The following PCNX3 variants were observed in gnomAD, a reference collection of about 807,000 sequenced individuals.
The protein encoded by PCNX3 is pecanex 3.
In PCNX3, 58 loss-of-function variants were observed where a neutral mutation model predicts 207.2. The observed-to-expected ratio is 0.28, with a 90% CI of 0.23 to 0.35. The LOEUF (loss-of-function observed/expected upper bound fraction) is 0.35. PCNX3 is among the 10% of genes least tolerant of loss of function. PCNX3 has a pLI of 1.00. For missense variants in PCNX3, 2,410 were observed against 2,774.4 expected (o/e 0.87, Z 2.95); for synonymous variants, 1,337 against 1,183.5 (o/e 1.13, Z -2.66).
Position 65,625,532 on chromosome 11 carries a change from G to C in PCNX3, c.3135+22G>C. 6.3e-7 allele frequency: 1 copy of C among 1,581,430 alleles called. No homozygotes were observed. Among genetic ancestry groups the C allele is most frequent in the Non-Finnish European group, 8.6e-7 (1 of 1,166,298 alleles). ...GGTGGTGAGGGGGCGGGGGGTGGGG[G>C]TCTGTGGGGAGGTGGTGACAGGTCC... On this transcript the variant is annotated intron_variant, in intron 18 of 34. Transcript: ENST00000355703. This position sits in a 1 kb window ranked among gnomAD's most constrained non-coding sequence, Gnocchi z 5.6.
rs766993751 is a variant in PCNX3 at position 65,636,404 on chromosome 11, A to G, written c.5607A>G (p.Gln1869=). 2.6e-6 allele frequency: 4 copies of G among 1,555,894 alleles called. No individual in the cohort carries two copies. The South Asian group carries it at 4.9e-5, about 19-fold the overall frequency. ...TGTCTCCTACAGGCAATGGTGACCA[A>G]CCCCTCCCACCAGGCCCTGGCTGGG... ...TPENTAGNGD[Q]PLPPGPGWGP... The change falls in exon 34 of 35, where the codon CAA becomes CAG. Residue 1869 remains glutamine, a synonymous_variant. Coordinates refer to ENST00000355703, the MANE Select transcript of PCNX3 (RefSeq NM_032223.4).
chr11:65,617,560 G>A, intron 4 of PCNX3, 51 bp downstream of exon 4: 1 of 1,613,792 alleles, frequency 6.2e-7, no homozygotes, highest in African/African-American at 1.3e-5. Context: ...AACAGGGGCT[G>A]GCGTGCTGTG....
chr11:65,623,879 C>T (rs1392075794), intron 12 of PCNX3, 50 bp from the exon 13 acceptor site: 3 of 1,611,588 alleles, frequency 1.9e-6, no homozygotes, highest in Non-Finnish European at 2.5e-6. Context: ...GGCCTCTGAC[C>T]ATCCCGTGGG....
At chr11:65,619,417 A>G (rs1854949585) in intron 6 of PCNX3, 120 bp from the exon 7 acceptor site, 1 of 1,465,936 alleles carries the variant, frequency 6.8e-7, no homozygotes, top group Non-Finnish European at 9.0e-7. Flanking sequence ...GCTGGGCCTC[A>G]GAGCCGGGGC....
chr11:65,617,734 T>C, intron 5 of PCNX3, 28 bp downstream of exon 5: 2 of 1,549,300 alleles, frequency 1.3e-6, no homozygotes, highest in Non-Finnish European at 8.7e-7. Context: ...GGCCGAGGCT[T>C]GTGGGCTAGA....
intron 27 of PCNX3, among the ~76,000 whole-genome samples, chr11:65,631,901 T>C (rs1311283248): frequency 1.2e-4 from 19 of 152,158 alleles, no homozygotes; most frequent in Middle Eastern, 3.4e-3. Context: ...ACACCACATA[T>C]CAGAGGAGCT....
Position 65,625,242 on chromosome 11 carries a change from C to T in PCNX3, c.2991C>T (p.Tyr997=). The change falls in exon 17 of 35, where the codon TAC becomes TAT. Residue 997 remains tyrosine (Y), a synonymous_variant. Transcript: ENST00000355703. The surrounding 1 kb of genome is among the most constrained non-coding windows in gnomAD (Gnocchi z 5.6). ...GTGGCCTCCTGGTGGCACTGTCCTA[C>T]CACCTGAGCCGGCAGAGCAGCGACC... is the stretch of plus-strand genomic sequence containing the variant. The part of the protein sequence containing the change: ...VFCGLLVALS[Y]HLSRQSSDPT... The T allele has an allele frequency of 1.2e-6, 2 of 1,611,156 alleles. No individual in the cohort carries two copies. The highest frequency in any genetic ancestry group is 1.7e-6 in the Non-Finnish European group (2 of 1,179,618).
In PCNX3 at chr11:65,617,602, T is replaced by C; in HGVS notation, c.482-9T>C. ...GGTCCTGCTGACACCTCTGGGGCCA[T>C]GGTTGCAGACATCAAGGAGCTGGTG... On this transcript the variant is annotated splice_polypyrimidine_tract_variant and intron_variant, in intron 4 of 34. Transcript: ENST00000355703. 1 of 1,613,020 alleles carries C rather than the reference T, an allele frequency of 6.2e-7. No homozygotes were observed. Among genetic ancestry groups the C allele is most frequent in the South Asian group, 1.1e-5 (1 of 91,008 alleles).
chr11:65,626,567 G>T (rs1208107843), intron 20 of PCNX3: 6 of 443,548 alleles, frequency 1.4e-5, no homozygotes, highest in Admixed American at 1.1e-4. Context: ...GAACCGAGGG[G>T]TCTGCCCTTT....
chr11:65,623,160 C>T (rs893089776), intron 11 of PCNX3, among the ~76,000 whole-genome samples: 1 of 152,238 alleles, frequency 6.6e-6, no homozygotes, highest in African/African-American at 2.4e-5. Context: ...GCGTGGCACG[C>T]CCAAGGCAGC....
chr11:65,619,416 C>T, intron 6 of PCNX3, 121 bp from the exon 7 acceptor site: 1 of 1,464,940 alleles, frequency 6.8e-7, no homozygotes, highest in Non-Finnish European at 9.0e-7. Context: ...GGCTGGGCCT[C>T]AGAGCCGGGG....
Position 65,616,229 on chromosome 11 carries a change from C to G in PCNX3, c.-83C>G. Reference sequence around the variant, plus strand: ...GAGCGTGAGGCCGGGCCCCGGGGCCCTCAGGCGCCAGACGGGGCATGGGCC... The same window carrying G: ...GAGCGTGAGGCCGGGCCCCGGGGCCGTCAGGCGCCAGACGGGGCATGGGCC... On this transcript the variant is annotated 5_prime_UTR_variant, in exon 1 of 35. Transcript: ENST00000355703. 2 of 1,210,336 alleles carry G rather than the reference C, an allele frequency of 1.7e-6. No homozygotes were observed. The highest frequency in any genetic ancestry group is 2.2e-6 in the Non-Finnish European group (2 of 921,108). 75.0% of individuals were successfully genotyped at this position (1,210,336 alleles called of 1,614,324 possible). A position where few individuals can be genotyped will look rare whatever the true frequency, so the allele number is the denominator to read the frequency against.
Position 65,616,211 on chromosome 11 carries a change from A to T in PCNX3, c.-101A>T, listed in dbSNP as rs1457138350. 2.1e-6 allele frequency: 2 copies of T among 972,404 alleles called. No homozygotes were observed. Among genetic ancestry groups the T allele is most frequent in the Admixed American group, 4.0e-5 (1 of 24,932 alleles). 60.2% of individuals were successfully genotyped at this position (972,404 alleles called of 1,614,324 possible). ...TGGGGGAGGCCATGGCGTGAGCGTG[A>T]GGCCGGGCCCCGGGGCCCTCAGGCG... On this transcript the variant is annotated 5_prime_UTR_variant, in exon 1 of 35. Coordinates refer to ENST00000355703, the MANE Select transcript of PCNX3 (RefSeq NM_032223.4).
rs555980108 is a variant in PCNX3 at position 65,622,690 on chromosome 11, G to A, written c.2357+324G>A. 2.6e-5 allele frequency among the ~76,000 whole-genome samples: 4 copies of A among 152,288 alleles called. No individual in the cohort carries two copies. The South Asian group carries it at 8.3e-4, about 32-fold the overall frequency. On this transcript the variant is annotated intron_variant, in intron 11 of 34. Transcript: ENST00000355703. ...GGCTCACTGCAAGCTCCGCCTCCCAGGTTCACGCCATTCTCCTGCCTCAGC... is the reference window on the plus strand; with the variant it reads ...GGCTCACTGCAAGCTCCGCCTCCCAAGTTCACGCCATTCTCCTGCCTCAGC...
In PCNX3 at chr11:65,619,594, T is replaced by C; in HGVS notation, c.1763T>C (p.Ile588Thr). 1.2e-6 allele frequency: 2 copies of C among 1,607,812 alleles called. No homozygotes were observed. The highest frequency in any genetic ancestry group is 1.7e-6 in the Non-Finnish European group (2 of 1,179,060). Residue 588 changes from isoleucine (I) to threonine (T), a missense_variant, in exon 7 of 35, where the codon ATT (isoleucine) becomes ACT (threonine). Ile to Thr is a moderately conservative substitution (Grantham distance 89). Around this residue, in one of 8 missense-constraint regions of PCNX3, gnomAD observed 1,104 missense variants for 970.3 expected, o/e 1.14. Transcript: ENST00000355703. ...RSSSVRRTQA[I>T]RRRHNAGSNP... ...AGCAGTGTGAGGCGGACCCAGGCCA[T>C]TCGGAGACGCCACAATGCAGGCAGC... is the stretch of plus-strand genomic sequence containing the variant.
At position 65,635,286 on chromosome 11, in the gene PCNX3, G is replaced by C. The variant is rs569488128; in HGVS notation, c.5022G>C (p.Glu1674Asp). The C allele has an allele frequency of 1.9e-6, 3 of 1,593,312 alleles. No homozygotes were observed. The highest frequency in any genetic ancestry group is 2.6e-6 in the Non-Finnish European group (3 of 1,170,784). Residue 1674 changes from glutamate to aspartate, a missense_variant, in exon 31 of 35, where the codon GAG becomes GAC. Physicochemically the swap from Glu to Asp is conservative, Grantham distance 45 (BLOSUM62 2). Around this residue, in one of 8 missense-constraint regions of PCNX3, gnomAD observed 420 missense variants for 705.3 expected, o/e 0.60. Transcript: ENST00000355703. The surrounding 1 kb of genome is among the most constrained non-coding windows in gnomAD (Gnocchi z 9.9). ...TATACGATGCCATTGCGGCCAACGA[G>C]GAGCGGCTGGTCATCTCACATGAGG... ...AALYDAIAAN[E>D]ERLVISHEGD...
At chr11:65,629,211 T>C in intron 24 of PCNX3, 146 bp from the exon 25 acceptor site, 1 of 967,098 alleles carries the variant, frequency 1.0e-6, no homozygotes. Context: ...AGTCCCTTCA[T>C]GTACCTGAGC....
intron 1 of PCNX3, 25 bp from the exon 2 acceptor site, chr11:65,616,799 G>C (rs1854756414): frequency 6.3e-7 from 1 of 1,598,674 alleles, no homozygotes; most frequent in South Asian, 1.1e-5. Flanking sequence ...TTGTGAAAAG[G>C]GACCTGGCTT....
rs1328694379 is a variant in PCNX3 at position 65,617,255 on chromosome 11, C to G, written c.347C>G (p.Pro116Arg). ...AQGDSNPPRD[P>R]GVEMTVFRKV... is the part of the protein sequence containing the mutation. ...CTGCTCTTTTTCACCGCCAGGGACC[C>G]CGGAGTGGAGATGACAGTGTTCCGG... The change falls in exon 3 of 35, where the codon CCC becomes CGC. Residue 116 changes from proline (P) to arginine (R), a missense_variant. Transcript: ENST00000355703. 6.2e-7 allele frequency: 1 copy of G among 1,603,220 alleles called. No individual in the cohort carries two copies. Among genetic ancestry groups the G allele is most frequent in the South Asian group, 1.1e-5 (1 of 89,230 alleles).
Sources: gnomAD v4.1 joint callset for allele counts (sites outside exome capture counted in the v4.1 genomes callset) on GRCh38, gnomAD v4.1.1 for gene constraint, gnomAD v4.1.1 regional missense constraint, Gnocchi (gnomAD v3.1) non-coding constraint, MANE v1.5 for transcripts, NCBI Gene and HGNC (gene_info 2026-07-23, HGNC 2026-07-21) for gene names.